TRMT2B: variants seen among roughly 807,000 people sequenced by gnomAD.
TRMT2B encodes the protein tRNA (uracil-5-)-methyltransferase homolog B.
TRMT2B carries 34 observed loss-of-function variants against 39.7 expected under a neutral mutation model. The ratio of observed to expected loss-of-function variants is 0.86; its 90% CI spans 0.65 to 1.14. The LOEUF is 1.14. TRMT2B is among the 50% of genes most tolerant of loss of function. The pLI, the probability that TRMT2B is intolerant of heterozygous loss-of-function variation, is 0.00. For synonymous variants in TRMT2B, 132 were observed against 137.3 expected, an observed-to-expected ratio of 0.96 and a Z score of 0.27; for missense variants, 318 against 377.2, an observed-to-expected ratio of 0.84 and a Z score of 1.30.
rs1411258370 is a variant in TRMT2B, at chrX:101,041,966, C to T, written c.248+76G>A. 5.3e-6 allele frequency: 6 copies of T among 1,137,166 alleles called. No individual in the cohort carries two copies. In the East Asian group the frequency reaches 1.5e-4, roughly 28 times the overall value. The allele number at this position is 1,137,166 out of a possible 1,213,427, so 93.7% of individuals were successfully genotyped here. On this transcript the variant is annotated intron_variant, in intron 3 of 13. Coordinates refer to ENST00000372936, the MANE Select transcript of TRMT2B (RefSeq NM_024917.6). ...AATCCTTGTAATGCTACATTAGTTA[C>T]ACTAGGAATACAGAATTTCAGCAGA... is the stretch of plus-strand genomic sequence containing the variant.
chrX:101,037,895 G>T (rs1438968335), intron 5 of TRMT2B, 22 bp downstream of exon 5: 1 of 1,205,513 alleles, frequency 8.3e-7, no homozygotes, highest in Admixed American at 2.2e-5. Context: ...AATAGATAAG[G>T]AATAGGGAGG....
At chrX:101,027,193 T>G (rs2087144778) in intron 7 of TRMT2B, among the ~76,000 whole-genome samples, 1 of 111,008 alleles carries the variant, frequency 9.0e-6, no homozygotes, top group Non-Finnish European at 1.9e-5. Flanking sequence ...CTCTGTTTAC[T>G]TTCTTCCTCT....
chrX:101,022,620 CAAA>C (rs35651870), intron 8 of TRMT2B, among the ~76,000 whole-genome samples: 7 of 63,105 alleles, frequency 1.1e-4, no homozygotes, highest in African/African-American at 2.2e-4. Flanking sequence ...GACTCTGTCT[CAAA>C]AAAAAAAAAA....
the TRMT2B span, among the ~76,000 whole-genome samples, chrX:100,986,287 A>G: frequency 3.6e-5 from 4 of 111,600 alleles, no homozygotes; most frequent in African/African-American, 1.3e-4. Flanking sequence ...GAGAACTCCT[A>G]TCTTGTATAA....
the TRMT2B span, among the ~76,000 whole-genome samples, chrX:100,999,551 C>T: frequency 8.9e-6 from 1 of 112,145 alleles, no homozygotes; most frequent in South Asian, 3.7e-4. Context: ...TTATCTAATA[C>T]CATAATACTG....
At chrX:101,005,880 CAAAAAAAAAAAAAA>C (rs370275736), downstream of TRMT2B, among the ~76,000 whole-genome samples, 9 of 64,241 alleles carry the variant, frequency 1.4e-4, no homozygotes, top group South Asian at 1.1e-3. Context: ...GATTCCCACT[CAAAAAAAAAAAAAA>C]AAAAAAAAAA....
At chrX:100,993,829 C>A in the TRMT2B span, among the ~76,000 whole-genome samples, 1 of 111,684 alleles carries the variant, frequency 9.0e-6, no homozygotes, top group East Asian at 2.8e-4. Flanking sequence ...AATATACTTT[C>A]CAAACCTCTT....
intron 7 of TRMT2B, among the ~76,000 whole-genome samples, chrX:101,026,392 C>T (rs1441541990): frequency 2.2e-4 from 23 of 105,763 alleles, no homozygotes; most frequent in African/African-American, 8.0e-4. Flanking sequence ...AGGAGAATCG[C>T]TGGAACGCAG....
chrX:100,985,752 G>A, the TRMT2B span: 2 of 1,211,373 alleles, frequency 1.7e-6, no homozygotes, highest in Non-Finnish European at 2.2e-6. Context: ...TCTATGACCT[G>A]AATGGAGACC....
downstream of TRMT2B, among the ~76,000 whole-genome samples, chrX:101,009,093 TA>T (rs2086155980): frequency 9.0e-6 from 1 of 111,493 alleles, no homozygotes; most frequent in Non-Finnish European, 1.9e-5. Context: ...ACCCACCATC[TA>T]AAAAAAGAAT....
the TRMT2B span, chrX:100,988,504 TGAA>T: frequency 1.6e-5 from 19 of 1,171,069 alleles, no homozygotes; most frequent in Non-Finnish European, 2.2e-5. Context: ...TTGCTACAAT[TGAA>T]GGAGTGGCTT....
At chrX:100,990,660 A>T in the TRMT2B span, 4 of 1,010,732 alleles carry the variant, frequency 4.0e-6, no homozygotes, top group Non-Finnish European at 5.5e-6. Context: ...CAGAGACTTT[A>T]CATCTTTGTA....
Position 101,030,454 on chromosome X carries a change from CT to C in TRMT2B, c.609+5158del, listed in dbSNP as rs1331923176. Among the ~76,000 whole-genome samples the C allele has an allele frequency of 1.1e-3, 78 of 71,732 alleles. 1 individual carries two copies. Among genetic ancestry groups the C allele is most frequent in the Admixed American group, 2.3e-3 (15 of 6,459 alleles). The allele number at this position is 71,732 out of a possible 115,157, so 62.3% of individuals were successfully genotyped here. Reference sequence around the variant, plus strand: ...GGAAAAGCCTATATAGATCTGCATTCTTTTTTTTTTTTTTCAGATGGAGTCT... The same window carrying C: ...GGAAAAGCCTATATAGATCTGCATTCTTTTTTTTTTTTTCAGATGGAGTCT... On this transcript the variant is annotated intron_variant, in intron 7 of 13. Transcript: ENST00000372936.
At chrX:100,987,986 G>A in the TRMT2B span, among the ~76,000 whole-genome samples, 1 of 111,867 alleles carries the variant, frequency 8.9e-6, no homozygotes, top group South Asian at 3.8e-4. Flanking sequence ...TGATGGGAGA[G>A]GACAGAAATG....
At chrX:101,019,516 C>T in intron 11 of TRMT2B, 113 bp from the exon 12 acceptor site, 1 of 942,766 alleles carries the variant, frequency 1.1e-6, no homozygotes, top group Non-Finnish European at 1.5e-6. Context: ...TTGGATCTAG[C>T]ATCACTCCAA....
At chrX:100,983,900 T>C in the TRMT2B span, among the ~76,000 whole-genome samples, 22 of 111,421 alleles carry the variant, frequency 2.0e-4, no homozygotes, top group African/African-American at 6.2e-4. Flanking sequence ...ATGACTCATT[T>C]TAGCAATGCT....
At chrX:101,011,145 G>A (rs2086232179) in intron 13 of TRMT2B, among the ~76,000 whole-genome samples, 1 of 111,708 alleles carries the variant, frequency 9.0e-6, no homozygotes, top group African/African-American at 3.3e-5. Flanking sequence ...TTAACGATGG[G>A]GGTACATTCT....
chrX:101,033,125 G>A (rs1268967155), intron 7 of TRMT2B, among the ~76,000 whole-genome samples: 11 of 105,662 alleles, frequency 1.0e-4, no homozygotes, highest in Middle Eastern at 4.5e-3. Context: ...GAGTGGTGGC[G>A]GGCCCCTATA....
downstream of TRMT2B, among the ~76,000 whole-genome samples, chrX:101,008,049 T>C (rs368523285): frequency 9.0e-6 from 1 of 111,641 alleles, no homozygotes; most frequent in East Asian, 2.8e-4. Context: ...GAGTAAACTG[T>C]TATATTCATT....
Sources: gnomAD v4.1 joint callset for allele counts (sites outside exome capture counted in the v4.1 genomes callset) on GRCh38, gnomAD v4.1.1 for gene constraint, MANE v1.5 for transcripts, NCBI Gene and HGNC (gene_info 2026-07-23, HGNC 2026-07-21) for gene names.